FBXO34: variants seen among roughly 807,000 people sequenced by gnomAD.
The protein encoded by FBXO34 is F-box protein 34.
Under a neutral mutation model 24.5 loss-of-function variants are expected in FBXO34, and 12 were observed. The ratio of observed to expected loss-of-function variants is 0.49; its 90% CI spans 0.31 to 0.79. The LOEUF (loss-of-function observed/expected upper bound fraction) is 0.79, where lower values mean the gene tolerates loss of function less well. FBXO34 is among the 30% of genes least tolerant of loss of function. The probability of loss-of-function intolerance (pLI) is 0.04; values close to 1 mark genes in which losing one functional copy is unlikely to be tolerated. For synonymous variants in FBXO34, 320 were observed against 311.9 expected (o/e 1.03, Z -0.27); for missense variants, 823 against 857.7 (o/e 0.96, Z 0.51).
intron 3 of FBXO34, among the ~76,000 whole-genome samples, chr14:55,361,003 GAAA>G (rs111865007): frequency 2.2e-4 from 30 of 136,090 alleles, no homozygotes; most frequent in African/African-American, 7.8e-4. Flanking sequence ...GTCTCAAAAA[GAAA>G]AAAAAAAAAA....
At chr14:55,289,037 C>G (rs939178684) in intron 1 of FBXO34, among the ~76,000 whole-genome samples, 1 of 151,862 alleles carries the variant, frequency 6.6e-6, no homozygotes, top group Non-Finnish European at 1.5e-5. Context: ...GGTGACAGAG[C>G]GAGACTCTGT....
chr14:55,408,347 A>G, the FBXO34 span, among the ~76,000 whole-genome samples: 1 of 152,120 alleles, frequency 6.6e-6, no homozygotes, highest in Admixed American at 6.5e-5. Flanking sequence ...CCCAGATACC[A>G]GGGAGACTGA....
chr14:55,333,861 G>C (rs1883682649), intron 1 of FBXO34, among the ~76,000 whole-genome samples: 1 of 151,980 alleles, frequency 6.6e-6, no homozygotes, highest in South Asian at 2.1e-4. Context: ...GATGTGGTTT[G>C]GTGCTTTGAA....
At chr14:55,402,966 T>A in the FBXO34 span, among the ~76,000 whole-genome samples, 516 of 58,860 alleles carry the variant, frequency 8.8e-3, 2 homozygotes, top group Non-Finnish European at 0.013. Context: ...TATATATATA[T>A]ATAAATAGCT....
At chr14:55,331,560 T>C (rs943429390) in intron 1 of FBXO34, among the ~76,000 whole-genome samples, 13 of 142,690 alleles carry the variant, frequency 9.1e-5, no homozygotes, top group South Asian at 6.5e-4. Context: ...TATATATATA[T>C]ACACACACAC....
the FBXO34 span, chr14:55,378,192 A>G: frequency 1.3e-6 from 1 of 759,734 alleles, no homozygotes. Context: ...ACTCCTTAGT[A>G]AATTGCACTT....
chr14:55,335,948 G>A (rs538595633), intron 1 of FBXO34, among the ~76,000 whole-genome samples: 51 of 152,234 alleles, frequency 3.4e-4, no homozygotes, highest in Non-Finnish European at 7.2e-4. Flanking sequence ...ATGACTGAAT[G>A]TAGGAGGTGA....
intron 1 of FBXO34, among the ~76,000 whole-genome samples, chr14:55,321,164 GTT>G (rs11454602): frequency 7.1e-6 from 1 of 140,862 alleles, no homozygotes. Flanking sequence ...GATATGGGCG[GTT>G]TTTTTTTTTT....
downstream of FBXO34, chr14:55,369,191 A>G (rs1313937996): frequency 6.5e-6 from 1 of 154,738 alleles, no homozygotes; most frequent in African/African-American, 2.4e-5. Flanking sequence ...TGTCCTAATA[A>G]TCAAGAATCA....
chr14:55,377,860 A>G, the FBXO34 span: 1 of 1,603,612 alleles, frequency 6.2e-7, no homozygotes, highest in Non-Finnish European at 8.5e-7. Flanking sequence ...GGTACATTAG[A>G]TTCCTGAGGG....
At chr14:55,277,047 C>CGT (rs1881367509) in intron 1 of FBXO34, among the ~76,000 whole-genome samples, 1 of 152,170 alleles carries the variant, frequency 6.6e-6, no homozygotes, top group Admixed American at 6.5e-5. Context: ...TTATGTATAC[C>CGT]ATTCCCTTAG....
At chr14:55,289,578 C>A (rs1349168971) in intron 1 of FBXO34, among the ~76,000 whole-genome samples, 1 of 152,122 alleles carries the variant, frequency 6.6e-6, no homozygotes, top group East Asian at 1.9e-4. Flanking sequence ...CTTTGTGCCC[C>A]AGGCTGGAGT....
chr14:55,440,408 C>G, the FBXO34 span: 1 of 1,612,990 alleles, frequency 6.2e-7, no homozygotes, highest in South Asian at 1.1e-5. Flanking sequence ...GAGCGGCGCA[C>G]TGGTCCAGGT....
intron 1 of FBXO34, among the ~76,000 whole-genome samples, chr14:55,280,048 A>G (rs1881479660): frequency 6.6e-6 from 1 of 152,212 alleles, no homozygotes; most frequent in South Asian, 2.1e-4. Flanking sequence ...GGATTAGTCC[A>G]TTGGATTGTG....
chr14:55,369,963 C>A (rs757669935), downstream of FBXO34: 1 of 1,530,788 alleles, frequency 6.5e-7, no homozygotes, highest in East Asian at 2.3e-5. Flanking sequence ...AGGATAACAA[C>A]CATTCTCAAC....
chr14:55,342,624 T>A (rs1044547302), intron 1 of FBXO34, among the ~76,000 whole-genome samples: 2 of 152,158 alleles, frequency 1.3e-5, no homozygotes, highest in Non-Finnish European at 2.9e-5. Flanking sequence ...GAGGGGGAAG[T>A]CTTTTCTTGT....
At chr14:55,340,218 C>T (rs765839816) in intron 1 of FBXO34, among the ~76,000 whole-genome samples, 7 of 152,028 alleles carry the variant, frequency 4.6e-5, no homozygotes, top group Admixed American at 2.6e-4. Flanking sequence ...GCTTGGTGCA[C>T]TAATACTTGT....
the FBXO34 span, among the ~76,000 whole-genome samples, chr14:55,375,490 A>ATTTTTTT: frequency 8.5e-6 from 1 of 117,798 alleles, no homozygotes; most frequent in African/African-American, 3.4e-5. Context: ...GCCGGGCTAA[A>ATTTTTTT]TTTTTTTTTT....
rs138046228 is a variant in FBXO34, at chr14:55,335,772, A to G, written c.-10-14609A>G. Among the ~76,000 whole-genome samples the G allele has an allele frequency of 4.6e-5, 7 of 152,350 alleles. No homozygotes were observed. In the East Asian group the frequency reaches 9.6e-4, roughly 21 times the overall value. ...CCATGTTTATGAAATGGGAATAATT[A>G]TTATATCTAGCTCATAGAATTGTCC... On this transcript the variant is annotated intron_variant, in intron 1 of 1. Coordinates refer to ENST00000313833, the MANE Select transcript of FBXO34 (RefSeq NM_017943.4).
Sources: gnomAD v4.1 joint callset for allele counts (sites outside exome capture counted in the v4.1 genomes callset) on GRCh38, gnomAD v4.1.1 for gene constraint, MANE v1.5 for transcripts, NCBI Gene and HGNC (gene_info 2026-07-23, HGNC 2026-07-21) for gene names.